FHIT: variants seen among roughly 807,000 people sequenced by gnomAD.
FHIT encodes fragile histidine triad diadenosine triphosphatase.
In FHIT, 19 loss-of-function variants were observed where a neutral mutation model predicts 17.9. The observed-to-expected ratio is 1.06, with a 90% CI of 0.74 to 1.56. The LOEUF (loss-of-function observed/expected upper bound fraction) is 1.56, where lower values mean the gene tolerates loss of function less well. FHIT is among the 40% of genes most tolerant of loss of function. The probability of loss-of-function intolerance (pLI) is 0.00; values close to 1 mark genes in which losing one functional copy is unlikely to be tolerated. For missense variants in FHIT, 248 were observed against 189.2 expected, an observed-to-expected ratio of 1.31 and a Z score of -1.82; for synonymous variants, 81 against 69.7, an observed-to-expected ratio of 1.16 and a Z score of -0.81.
chr3:61,104,745 T>A (rs143585170), intron 2 of FHIT, among the ~76,000 whole-genome samples: 8 of 152,296 alleles, frequency 5.3e-5, no homozygotes, highest in African/African-American at 1.9e-4. Context: ...ATCCCATATT[T>A]CTCAGAGGTT....
intron 5 of FHIT, among the ~76,000 whole-genome samples, chr3:60,058,018 G>C (rs914715312): frequency 6.6e-6 from 1 of 151,034 alleles, no homozygotes; most frequent in Non-Finnish European, 1.5e-5. Context: ...GAGGTACCTA[G>C]AATAGGCAAG....
At chr3:60,528,626 A>C (rs566664045) in intron 5 of FHIT, among the ~76,000 whole-genome samples, 10 of 152,186 alleles carry the variant, frequency 6.6e-5, no homozygotes, top group Non-Finnish European at 1.2e-4. Context: ...GTCTTGAAGA[A>C]CAAAGAACAT....
At chr3:60,335,917 A>AT (rs758320462) in intron 5 of FHIT, among the ~76,000 whole-genome samples, 7 of 152,134 alleles carry the variant, frequency 4.6e-5, no homozygotes, top group Admixed American at 6.6e-5. Flanking sequence ...TACCAATTAC[A>AT]TTTTTTTCTC....
chr3:60,014,035 TG>T lies in FHIT; in HGVS notation c.220del (p.His74MetfsTer19). ...RVGTVVEKHF[H>X]GTSLTFSMQD... is the part of the protein sequence containing the mutation. The stretch of plus-strand genomic sequence containing the variant: ...CATGGAAAAGGTGAGAGAGGTCCCA[TG>T]GAAATGTTTTTCCACCACTGTCCCG... On this transcript the variant is annotated frameshift_variant, in exon 6 of 10. Coordinates refer to ENST00000492590, the MANE Select transcript of FHIT (RefSeq NM_002012.4). LOFTEE classifies it high-confidence loss of function. 1 of 1,614,030 alleles carries T rather than the reference TG, an allele frequency of 6.2e-7. No individual in the cohort carries two copies. Among genetic ancestry groups the T allele is most frequent in the Non-Finnish European group, 8.5e-7 (1 of 1,179,946 alleles).
At chr3:60,614,824 T>C (rs1974441) in intron 4 of FHIT, among the ~76,000 whole-genome samples, 59 of 85,944 alleles carry the variant, frequency 6.9e-4, no homozygotes, top group Non-Finnish European at 1.7e-3. Context: ...TTTTTTGTTT[T>C]TTTTTTGTTT....
At chr3:60,150,528 C>G (rs1468524022) in intron 5 of FHIT, among the ~76,000 whole-genome samples, 4 of 152,082 alleles carry the variant, frequency 2.6e-5, no homozygotes, top group Non-Finnish European at 4.4e-5. Context: ...ACTATGTTTT[C>G]CAGGCTGGAC....
rs370540729 is a variant in FHIT, at chr3:61,007,721, T to G, written c.-111+34326A>C. Among the ~76,000 whole-genome samples the G allele has an allele frequency of 7.9e-5, 12 of 152,334 alleles. No homozygotes were observed. The East Asian group carries it at 1.7e-3, about 22-fold the overall frequency. On this transcript the variant is annotated intron_variant, in intron 3 of 9. Coordinates refer to ENST00000492590, the MANE Select transcript of FHIT (RefSeq NM_002012.4). ...CCCTACACTTCAGAAGCTGTTGATGTTCCACTCAGATCTCTGTAGGATCCC... is the reference window on the plus strand; with the variant it reads ...CCCTACACTTCAGAAGCTGTTGATGGTCCACTCAGATCTCTGTAGGATCCC...
chr3:60,890,723 T>C (rs1307586742), intron 3 of FHIT, among the ~76,000 whole-genome samples: 3 of 152,206 alleles, frequency 2.0e-5, no homozygotes, highest in African/African-American at 4.8e-5. Flanking sequence ...GCTCTAGTTT[T>C]CCCAGAGATT....
chr3:60,643,574 A>G (rs2039780913), intron 4 of FHIT, among the ~76,000 whole-genome samples: 1 of 152,210 alleles, frequency 6.6e-6, no homozygotes, highest in African/African-American at 2.4e-5. Context: ...AAAGTGTTTA[A>G]TAAAACCAAG....
At chr3:60,958,589 G>A (rs947986470) in intron 3 of FHIT, among the ~76,000 whole-genome samples, 3 of 152,174 alleles carry the variant, frequency 2.0e-5, no homozygotes, top group Admixed American at 2.0e-4. Context: ...TAGTTGCAAT[G>A]TTCCAATTTT....
intron 5 of FHIT, among the ~76,000 whole-genome samples, chr3:60,175,175 C>T (rs1701613109): frequency 6.6e-6 from 1 of 152,206 alleles, no homozygotes; most frequent in East Asian, 1.9e-4. Flanking sequence ...TCTTTCCCCA[C>T]AGAGCTGGAT....
intron 5 of FHIT, among the ~76,000 whole-genome samples, chr3:60,294,264 T>A (rs1415885029): frequency 6.6e-6 from 1 of 152,236 alleles, no homozygotes; most frequent in Admixed American, 6.5e-5. Flanking sequence ...ACAGATTCAC[T>A]CTTGCATGTC....
Position 59,983,751 on chromosome 3 carries a change from A to G in FHIT, c.279+27620T>C, listed in dbSNP as rs1708759211. 3.3e-5 allele frequency among the ~76,000 whole-genome samples: 5 copies of G among 152,080 alleles called. No individual in the cohort carries two copies. The South Asian group carries it at 1.0e-3, about 32-fold the overall frequency. Reference sequence around the variant, plus strand: ...GGCCTCAGGAAGCTCCCAACCTAGTAATCAGAGAAGAATGAGAGGATTGCC... The same window carrying G: ...GGCCTCAGGAAGCTCCCAACCTAGTGATCAGAGAAGAATGAGAGGATTGCC... On this transcript the variant is annotated intron_variant, in intron 7 of 9. Transcript: ENST00000492590.
chr3:60,379,116 C>A (rs1400914629), intron 5 of FHIT, among the ~76,000 whole-genome samples: 2 of 152,172 alleles, frequency 1.3e-5, no homozygotes, highest in Non-Finnish European at 2.9e-5. Flanking sequence ...ATGAGGAGAA[C>A]CGCTAAAGGT....
chr3:60,170,366 T>C (rs555168995), intron 5 of FHIT, among the ~76,000 whole-genome samples: 1 of 152,286 alleles, frequency 6.6e-6, no homozygotes, highest in Non-Finnish European at 1.5e-5. Context: ...TGAATGAAGC[T>C]TGGTATCCCC....
chr3:61,164,916 G>A (rs549835454), intron 2 of FHIT, among the ~76,000 whole-genome samples: 2 of 152,238 alleles, frequency 1.3e-5, no homozygotes, highest in Admixed American at 6.5e-5. Flanking sequence ...CTGCATTAAT[G>A]CACTTAGGAT....
intron 5 of FHIT, among the ~76,000 whole-genome samples, chr3:60,503,626 ATAGT>A (rs1448849674): frequency 1.3e-5 from 2 of 152,350 alleles, no homozygotes; most frequent in African/African-American, 4.8e-5. Context: ...TGAAATAATT[ATAGT>A]TAATCATATT....
intron 5 of FHIT, among the ~76,000 whole-genome samples, chr3:60,133,602 G>C (rs1422314603): frequency 3.3e-5 from 5 of 152,052 alleles, no homozygotes; most frequent in Non-Finnish European, 7.4e-5. Flanking sequence ...GTGGAAGATT[G>C]TCCTGAGAGT....
chr3:60,837,037 T>C (rs1553743981), intron 3 of FHIT, among the ~76,000 whole-genome samples: 1 of 152,186 alleles, frequency 6.6e-6, no homozygotes, highest in African/African-American at 2.4e-5. Context: ...TGAGCAGCCA[T>C]GGCCAGGTTT....
Sources: allele counts gnomAD v4.1 joint callset (sites outside exome capture counted in the v4.1 genomes callset), GRCh38; gene constraint gnomAD v4.1.1; transcripts MANE v1.5; gene names NCBI Gene and HGNC (gene_info 2026-07-23, HGNC 2026-07-21).